The following RBM26 variants were observed in gnomAD, a reference collection of about 807,000 sequenced individuals.
RBM26 encodes RNA binding motif protein 26.
In RBM26, 30 loss-of-function variants were observed where a neutral mutation model predicts 123.6. The observed-to-expected ratio is 0.24, with a 90% CI of 0.18 to 0.33. The LOEUF (loss-of-function observed/expected upper bound fraction) is 0.33, where lower values mean the gene tolerates loss of function less well. Ranked by LOEUF, RBM26 falls within the 10% of genes least tolerant of loss-of-function variation. The pLI, the probability that RBM26 is intolerant of heterozygous loss-of-function variation, is 1.00. For missense variants in RBM26, 947 were observed against 1,203.6 expected (o/e 0.79, Z 3.15); for synonymous variants, 400 against 404.4 (o/e 0.99, Z 0.13).
chr13:79,343,135 C>G (rs1346858870), intron 16 of RBM26, among the ~76,000 whole-genome samples: 1 of 151,770 alleles, frequency 6.6e-6, no homozygotes, highest in Non-Finnish European at 1.5e-5. Context: ...GAAAAATTAT[C>G]AATTTGAAAA....
At chr13:79,346,865 C>A (rs1426393418) in intron 14 of RBM26, among the ~76,000 whole-genome samples, 1 of 152,168 alleles carries the variant, frequency 6.6e-6, no homozygotes, top group South Asian at 2.1e-4. Context: ...GTTTCACAAA[C>A]TGTTTTCTTC....
chr13:79,342,598 T>C, intron 17 of RBM26, 66 bp downstream of exon 17: 2 of 1,291,794 alleles, frequency 1.5e-6, no homozygotes, highest in Non-Finnish European at 2.2e-6. Flanking sequence ...AAAAACTGAA[T>C]CTTAAAAATG....
chr13:79,320,841 T>C, intron 21 of RBM26, 131 bp from the exon 22 acceptor site: 1 of 1,075,986 alleles, frequency 9.3e-7, no homozygotes, highest in South Asian at 2.2e-5. Flanking sequence ...GCTAGAACAT[T>C]CACAAAACAA....
chr13:79,322,894 T>C (rs998683695), intron 20 of RBM26, among the ~76,000 whole-genome samples: 18 of 151,482 alleles, frequency 1.2e-4, no homozygotes, highest in Non-Finnish European at 2.1e-4. Context: ...ATATATTTTA[T>C]TTCAATTACT....
chr13:79,393,414 C>T (rs780301509), intron 1 of RBM26, among the ~76,000 whole-genome samples: 2 of 152,176 alleles, frequency 1.3e-5, no homozygotes, highest in East Asian at 1.9e-4. Context: ...TTCACTCCTG[C>T]GCTAAAACTT....
rs940178616 is a variant in RBM26, at chr13:79,337,377, T to C, written c.2533-75A>G. 10 of 1,508,116 alleles carry C rather than the reference T, an allele frequency of 6.6e-6. No individual in the cohort carries two copies. In the African/African-American group the frequency reaches 1.4e-4, roughly 21 times the overall value. 93.4% of individuals were successfully genotyped at this position (1,508,116 alleles called of 1,614,324 possible). On this transcript the variant is annotated intron_variant, in intron 18 of 21. Transcript: ENST00000438737. The stretch of plus-strand genomic sequence containing the variant: ...AAGCCAAGCATTACACTCTGGCAGA[T>C]GAATAAAACTTTAATGCAATTTGAC...
At chr13:79,364,293 G>T (rs185426481) in intron 9 of RBM26, among the ~76,000 whole-genome samples, 1 of 152,180 alleles carries the variant, frequency 6.6e-6, no homozygotes, top group Non-Finnish European at 1.5e-5. Flanking sequence ...AACATTCAAG[G>T]AAGATGCTCA....
chr13:79,371,311 A>G, intron 4 of RBM26, 149 bp from the exon 5 acceptor site: 1 of 652,528 alleles, frequency 1.5e-6, no homozygotes. Context: ...AATATTCAGT[A>G]CTTTAAATCC....
intron 9 of RBM26, among the ~76,000 whole-genome samples, chr13:79,364,579 C>T (rs1324959860): frequency 3.9e-5 from 6 of 152,064 alleles, no homozygotes; most frequent in African/African-American, 1.4e-4. Context: ...CCTTCATTTC[C>T]CTATATCAAA....
intron 9 of RBM26, among the ~76,000 whole-genome samples, chr13:79,364,207 G>T (rs1306903454): frequency 6.6e-6 from 1 of 152,124 alleles, no homozygotes; most frequent in Non-Finnish European, 1.5e-5. Flanking sequence ...CACATTAAAT[G>T]TTGTCCTATG....
chr13:79,328,995 A>G (rs1178756801), intron 20 of RBM26, among the ~76,000 whole-genome samples: 1 of 152,058 alleles, frequency 6.6e-6, no homozygotes, highest in African/African-American at 2.4e-5. Context: ...GCAAGAGTGT[A>G]GGGAAAAAGC....
At chr13:79,322,966 T>C (rs535879669) in intron 20 of RBM26, among the ~76,000 whole-genome samples, 6 of 151,602 alleles carry the variant, frequency 4.0e-5, no homozygotes, top group Non-Finnish European at 5.9e-5. Flanking sequence ...GTGTAAAGTA[T>C]ATTATTTTCA....
chr13:79,368,818 T>C lies in RBM26; in HGVS notation c.807A>G (p.Glu269=). 6.2e-7 allele frequency: 1 copy of C among 1,613,804 alleles called. No individual in the cohort carries two copies. The highest frequency in any genetic ancestry group is 8.5e-7 in the Non-Finnish European group (1 of 1,179,722). The stretch of plus-strand genomic sequence containing the variant: ...GGTCTTCATGAAATTCAGACCAACT[T>C]TCGGTAGTGTTGTTTCCATGATGAG... ...APTHHGNNTT[E]SWSEFHEDQV... The change falls in exon 6 of 22, where the codon GAA becomes GAG. Residue 269 remains glutamate, a synonymous_variant. Transcript: ENST00000438737.
At chr13:79,315,620 T>C (rs2067073229), downstream of RBM26, among the ~76,000 whole-genome samples, 1 of 151,696 alleles carries the variant, frequency 6.6e-6, no homozygotes, top group South Asian at 2.1e-4. Context: ...GAGGGAGGAT[T>C]TAGGAAGTAG....
Position 79,354,421 on chromosome 13 carries a change from G to T in RBM26, c.1986+18C>A, listed in dbSNP as rs777013319. The T allele has an allele frequency of 6.5e-7, 1 of 1,527,738 alleles. No homozygotes were observed. Among genetic ancestry groups the T allele is most frequent in the Non-Finnish European group, 8.9e-7 (1 of 1,129,468 alleles). 94.6% of individuals were successfully genotyped at this position (1,527,738 alleles called of 1,614,324 possible). ...CTGAGAACCTATTACGGGCACAATC[G>T]TAAGACCTTTGCTTTACCTGAGGAA... On this transcript the variant is annotated intron_variant, in intron 13 of 21. Transcript: ENST00000438737.
At position 79,344,697 on chromosome 13, in the gene RBM26, T is replaced by A; in HGVS notation, c.2156A>T (p.Asp719Val). 1 of 1,612,934 alleles carries A rather than the reference T, an allele frequency of 6.2e-7. No individual in the cohort carries two copies. Among genetic ancestry groups the A allele is most frequent in the South Asian group, 1.1e-5 (1 of 90,916 alleles). ...KTLLVSTSAV[D>V]NNEAQKKKQE... ...TTTTTTTTTCTGTGCTTCATTATTA[T>A]CAACTGCAGAGGTGGAAACAAGTAA... The change falls in exon 15 of 22, where the codon GAT becomes GTT. Residue 719 changes from aspartate (D) to valine (V), a missense_variant. Physicochemically the swap from Asp to Val is radical, Grantham distance 152 (BLOSUM62 -3). This residue lies in a region of RBM26 where 493 missense variants were observed against 563.1 expected (regional missense o/e 0.88). Coordinates refer to ENST00000438737, the MANE Select transcript of RBM26 (RefSeq NM_001366735.2).
intron 20 of RBM26, among the ~76,000 whole-genome samples, chr13:79,331,177 A>G (rs1470352778): frequency 6.6e-6 from 1 of 151,948 alleles, no homozygotes; most frequent in Non-Finnish European, 1.5e-5. Flanking sequence ...CACCTGGCTG[A>G]TTTTTTGGTA....
At chr13:79,379,662 C>G (rs904687119) in intron 1 of RBM26, among the ~76,000 whole-genome samples, 1 of 149,720 alleles carries the variant, frequency 6.7e-6, no homozygotes, top group African/African-American at 2.5e-5. Context: ...ACACAAAATC[C>G]ATATTATCAA....
chr13:79,344,290 T>C lies in RBM26; in HGVS notation c.2217A>G (p.Lys739=). The change falls in exon 16 of 22, where the codon AAA becomes AAG. Residue 739 remains lysine, a synonymous_variant. Transcript: ENST00000438737. ...GCTTTTCTAAAATTTCTTGTTTCCT[T>C]TTCCTTACATCCTGCTGAAGTTTCA... is the stretch of plus-strand genomic sequence containing the variant. The part of the protein sequence containing the change: ...EALKLQQDVR[K]RKQEILEKHI... The C allele has an allele frequency of 6.2e-7, 1 of 1,610,960 alleles. No individual in the cohort carries two copies. The highest frequency in any genetic ancestry group is 1.1e-5 in the South Asian group (1 of 90,994).
Sources: gnomAD v4.1 joint callset for allele counts (sites outside exome capture counted in the v4.1 genomes callset) on GRCh38, gnomAD v4.1.1 for gene constraint, gnomAD v4.1.1 regional missense constraint, MANE v1.5 for transcripts, NCBI Gene and HGNC (gene_info 2026-07-23, HGNC 2026-07-21) for gene names.